The following STK32A variants were observed in gnomAD, a reference collection of about 807,000 sequenced individuals.
STK32A encodes the protein serine/threonine-protein kinase 32A.
STK32A carries 41 observed loss-of-function variants against 53.2 expected under a neutral mutation model. The observed-to-expected ratio is 0.77, with a 90% confidence interval of 0.60 to 1.00. The LOEUF is 1.00. Ranked by LOEUF, STK32A falls within the 50% of genes least tolerant of loss-of-function variation. The pLI, the probability that STK32A is intolerant of heterozygous loss-of-function variation, is 0.00. For synonymous variants in STK32A, 166 were observed against 162.8 expected (o/e 1.02, Z -0.15); for missense variants, 458 against 485.8 (o/e 0.94, Z 0.54).
At chr5:147,351,502 G>A (rs1027924247) in intron 7 of STK32A, among the ~76,000 whole-genome samples, 3 of 151,948 alleles carry the variant, frequency 2.0e-5, no homozygotes, top group African/African-American at 7.3e-5. Context: ...CACAGACAAG[G>A]TCTTCAGATC....
intron 8 of STK32A, among the ~76,000 whole-genome samples, chr5:147,368,038 C>T (rs1472471276): frequency 6.6e-6 from 1 of 152,184 alleles, no homozygotes; most frequent in Non-Finnish European, 1.5e-5. Context: ...AAAATGTGCT[C>T]GAAAACATTC....
intron 4 of STK32A, among the ~76,000 whole-genome samples, chr5:147,304,225 A>C (rs566420294): frequency 6.6e-6 from 1 of 152,312 alleles, no homozygotes; most frequent in African/African-American, 2.4e-5. Flanking sequence ...CTGGGAGAGA[A>C]TCCAACTGGC....
chr5:147,309,183 G>A (rs906367372), intron 4 of STK32A, among the ~76,000 whole-genome samples: 3 of 152,026 alleles, frequency 2.0e-5, no homozygotes, highest in Admixed American at 2.0e-4. Flanking sequence ...AGGTGGAAGT[G>A]GGGACCCTTC....
chr5:147,323,042 A>G (rs114990041), intron 4 of STK32A, among the ~76,000 whole-genome samples: 1,775 of 152,216 alleles, frequency 0.012, 44 homozygotes, highest in African/African-American at 0.04. Context: ...CTGTGCTTGC[A>G]TGCATCCTAT....
chr5:147,318,925 G>A (rs1754154659), intron 4 of STK32A, among the ~76,000 whole-genome samples: 2 of 152,100 alleles, frequency 1.3e-5, no homozygotes, highest in African/African-American at 4.8e-5. Context: ...CTCTCATCAA[G>A]CCTTGGTGGA....
intron 2 of STK32A, among the ~76,000 whole-genome samples, chr5:147,253,881 T>C (rs1412608301): frequency 1.3e-5 from 2 of 152,188 alleles, no homozygotes; most frequent in Non-Finnish European, 2.9e-5. Flanking sequence ...AATGTACTGA[T>C]AGCAAAGAAT....
At chr5:147,396,225 G>A in the STK32A span, among the ~76,000 whole-genome samples, 2 of 152,172 alleles carry the variant, frequency 1.3e-5, no homozygotes, top group African/African-American at 2.4e-5. Flanking sequence ...ACCAGGGTGG[G>A]CAGGCCTTGA....
chr5:147,250,650 T>A (rs1462245611), intron 2 of STK32A, among the ~76,000 whole-genome samples: 2 of 152,046 alleles, frequency 1.3e-5, no homozygotes, highest in Non-Finnish European at 2.9e-5. Context: ...AAGATAAGAA[T>A]GCAGATATGG....
intron 2 of STK32A, among the ~76,000 whole-genome samples, chr5:147,249,266 T>C (rs1223051869): frequency 6.6e-6 from 1 of 152,152 alleles, no homozygotes; most frequent in Non-Finnish European, 1.5e-5. Context: ...GATCCCCCAT[T>C]TTCTCATATG....
chr5:147,260,470 G>T (rs2400286), intron 2 of STK32A, among the ~76,000 whole-genome samples: 1 of 151,684 alleles, frequency 6.6e-6, no homozygotes, highest in Non-Finnish European at 1.5e-5. Context: ...AAGAAGAAAG[G>T]GGGGGTTTAT....
intron 4 of STK32A, among the ~76,000 whole-genome samples, chr5:147,312,189 C>A (rs1332181082): frequency 6.6e-6 from 1 of 152,164 alleles, no homozygotes; most frequent in East Asian, 1.9e-4. Flanking sequence ...CAACCTCTGC[C>A]CCCCAGGTTC....
intron 4 of STK32A, among the ~76,000 whole-genome samples, chr5:147,289,166 T>C (rs1752484341): frequency 1.3e-5 from 2 of 151,994 alleles, no homozygotes; most frequent in African/African-American, 4.8e-5. Context: ...TTGTTTTGTT[T>C]TGTTTTCTAT....
At chr5:147,359,966 T>C (rs898394668) in intron 7 of STK32A, among the ~76,000 whole-genome samples, 15 of 152,148 alleles carry the variant, frequency 9.9e-5, no homozygotes, top group Admixed American at 8.5e-4. Context: ...CATACCAGTT[T>C]CCTTTGCCCA....
intron 2 of STK32A, among the ~76,000 whole-genome samples, chr5:147,275,940 G>A (rs1755239948): frequency 6.6e-6 from 1 of 152,158 alleles, no homozygotes; most frequent in Non-Finnish European, 1.5e-5. Context: ...TATCAACATG[G>A]AACTTCATGC....
chr5:147,257,409 C>T (rs1754283823), intron 2 of STK32A, among the ~76,000 whole-genome samples: 1 of 151,988 alleles, frequency 6.6e-6, no homozygotes, highest in South Asian at 2.1e-4. Flanking sequence ...GGCAAATCCC[C>T]ACAGGGTATA....
At chr5:147,367,150 C>A (rs1756789066) in intron 8 of STK32A, among the ~76,000 whole-genome samples, 1 of 151,888 alleles carries the variant, frequency 6.6e-6, no homozygotes, top group Non-Finnish European at 1.5e-5. Context: ...ACTGCAACCA[C>A]CCCCTCCTCT....
intron 11 of STK32A, among the ~76,000 whole-genome samples, chr5:147,376,649 C>T (rs747202205): frequency 1.4e-4 from 21 of 152,238 alleles, no homozygotes; most frequent in African/African-American, 5.1e-4. Context: ...ACCCTCCAAC[C>T]TCACAGGCCC....
chr5:147,259,681 A>C (rs1213665684), intron 2 of STK32A, among the ~76,000 whole-genome samples: 2 of 151,542 alleles, frequency 1.3e-5, no homozygotes, highest in Non-Finnish European at 2.9e-5. Context: ...TTTCTTTACT[A>C]CTTCTATCTC....
At chr5:147,395,726 A>T in the STK32A span, 1 of 1,613,636 alleles carries the variant, frequency 6.2e-7, no homozygotes, top group Non-Finnish European at 8.5e-7. Context: ...TGCCATCTGC[A>T]GCCAGAGAAG....
Sources: allele counts gnomAD v4.1 joint callset (sites outside exome capture counted in the v4.1 genomes callset), GRCh38; gene constraint gnomAD v4.1.1; transcripts MANE v1.5; gene names NCBI Gene and HGNC (gene_info 2026-07-23, HGNC 2026-07-21).